Variants in MAST4 observed in about 807,000 individuals in gnomAD.
MAST4 encodes microtubule associated serine/threonine kinase family member 4, also known as microtubule-associated serine/threonine-protein kinase 4.
A neutral mutation model predicts 162.7 loss-of-function variants in MAST4; 89 were observed. The observed-to-expected ratio is 0.55, with a 90% CI of 0.46 to 0.65. MAST4 has a LOEUF of 0.65. MAST4 is among the 30% of genes least tolerant of loss of function. The pLI is 0.00. For missense variants in MAST4, 3,153 were observed against 3,374.0 expected (o/e 0.93, Z 1.62); for synonymous variants, 1,479 against 1,361.1 (o/e 1.09, Z -1.91).
intron 1 of MAST4, among the ~76,000 whole-genome samples, chr5:66,671,587 A>C (rs57331312): frequency 0.19 from 28,989 of 152,000 alleles, 3,113 homozygotes; most frequent in South Asian, 0.31. Flanking sequence ...TAGCCAGTCT[A>C]CAAAGTCTGC....
intron 2 of MAST4, among the ~76,000 whole-genome samples, chr5:66,777,253 G>C (rs771547148): frequency 9.2e-5 from 14 of 152,220 alleles, no homozygotes; most frequent in Non-Finnish European, 1.8e-4. Flanking sequence ...GAAAGAATTT[G>C]ATCTAATCCG....
intron 1 of MAST4, among the ~76,000 whole-genome samples, chr5:66,756,214 T>C (rs1753528585): frequency 6.6e-6 from 1 of 152,216 alleles, no homozygotes; most frequent in Admixed American, 6.5e-5. Context: ...TCTATGGCTC[T>C]TGTTGGAGGT....
intron 1 of MAST4, among the ~76,000 whole-genome samples, chr5:66,754,898 C>G (rs551269220): frequency 6.6e-6 from 1 of 152,140 alleles, no homozygotes; most frequent in Non-Finnish European, 1.5e-5. Flanking sequence ...TAGCTAATAT[C>G]TGGAATGTGT....
At chr5:66,762,259 T>A (rs895452830) in intron 2 of MAST4, among the ~76,000 whole-genome samples, 5 of 150,004 alleles carry the variant, frequency 3.3e-5, no homozygotes, top group Non-Finnish European at 7.4e-5. Context: ...TTAGAAGAGC[T>A]AAAAAAAAAA....
chr5:67,071,090 A>G (rs1760921859), intron 5 of MAST4, among the ~76,000 whole-genome samples: 1 of 152,212 alleles, frequency 6.6e-6, no homozygotes, highest in African/African-American at 2.4e-5. Context: ...AACAAAGTCA[A>G]TGATCAAAAA....
At chr5:66,626,205 A>G (rs1464529801) in intron 1 of MAST4, among the ~76,000 whole-genome samples, 1 of 152,148 alleles carries the variant, frequency 6.6e-6, no homozygotes, top group Non-Finnish European at 1.5e-5. Context: ...GTCGAAGATA[A>G]TATTTTATTA....
intron 1 of MAST4, among the ~76,000 whole-genome samples, chr5:66,664,860 A>G (rs2149465348): frequency 6.6e-6 from 1 of 152,316 alleles, no homozygotes; most frequent in South Asian, 2.1e-4. Flanking sequence ...TTACAACGAG[A>G]AAGTGAAATA....
At chr5:66,717,293 G>T (rs1361814938) in intron 1 of MAST4, among the ~76,000 whole-genome samples, 1 of 152,084 alleles carries the variant, frequency 6.6e-6, no homozygotes, top group African/African-American at 2.4e-5. Flanking sequence ...TTGAATTAGG[G>T]GTTAAGGAGG....
At chr5:67,084,072 C>T (rs1176541292) in intron 5 of MAST4, among the ~76,000 whole-genome samples, 1 of 152,158 alleles carries the variant, frequency 6.6e-6, no homozygotes, top group Admixed American at 6.5e-5. Context: ...AAATACAGTA[C>T]ACAAGTTCCA....
chr5:66,729,891 G>A (rs146192327), intron 1 of MAST4, among the ~76,000 whole-genome samples: 87 of 152,284 alleles, frequency 5.7e-4, no homozygotes, highest in African/African-American at 1.9e-3. Context: ...TGCAAGCCAC[G>A]GATGCCAAGA....
At chr5:66,780,493 A>C (rs995417217) in intron 2 of MAST4, among the ~76,000 whole-genome samples, 1 of 152,152 alleles carries the variant, frequency 6.6e-6, no homozygotes, top group Non-Finnish European at 1.5e-5. Context: ...TGACTTCAAG[A>C]ATGAAGCTGC....
In MAST4 at chr5:66,646,028, A is replaced by C. The variant is rs76300406; in HGVS notation, c.363+49010A>C. Reference sequence around the variant, plus strand: ...TTCTGATTTTACTCTAACAGGTTGAAATGTTCAGGAATTGAGATTGAGAGG... The same window carrying C: ...TTCTGATTTTACTCTAACAGGTTGACATGTTCAGGAATTGAGATTGAGAGG... On this transcript the variant is annotated intron_variant, in intron 1 of 28. Coordinates refer to ENST00000403625, the MANE Select transcript of MAST4 (RefSeq NM_001164664.2). Among the ~76,000 whole-genome samples, 726 of 152,288 alleles carry C rather than the reference A, an allele frequency of 4.8e-3. 6 individuals carry two copies. The highest frequency in any genetic ancestry group is 0.017 in the African/African-American group (705 of 41,570).
chr5:67,043,487 T>A (rs1456380941), intron 4 of MAST4, among the ~76,000 whole-genome samples: 2 of 152,218 alleles, frequency 1.3e-5, no homozygotes, highest in Non-Finnish European at 2.9e-5. Flanking sequence ...GAACATTAGA[T>A]TTAAGTTATT....
intron 1 of MAST4, among the ~76,000 whole-genome samples, chr5:66,711,830 G>GC (rs1434305150): frequency 6.6e-6 from 1 of 151,992 alleles, no homozygotes; most frequent in African/African-American, 2.4e-5. Context: ...GTGAGACTCT[G>GC]CCCCCCACCC....
chr5:66,703,000 C>G (rs1749878262), intron 1 of MAST4, among the ~76,000 whole-genome samples: 1 of 152,092 alleles, frequency 6.6e-6, no homozygotes, highest in East Asian at 1.9e-4. Context: ...CCAGATGGGA[C>G]CAGAACCTGG....
At chr5:66,767,081 A>G (rs914906307) in intron 2 of MAST4, among the ~76,000 whole-genome samples, 10 of 152,028 alleles carry the variant, frequency 6.6e-5, no homozygotes, top group African/African-American at 1.7e-4. Flanking sequence ...GACTTCTTAA[A>G]AGTCCCAGCC....
intron 3 of MAST4, among the ~76,000 whole-genome samples, chr5:66,894,294 T>C (rs1762543981): frequency 6.6e-6 from 1 of 152,196 alleles, no homozygotes; most frequent in South Asian, 2.1e-4. Context: ...GTTAGTATTT[T>C]TAAAAACTCC....
At chr5:66,966,899 A>G (rs1375050387) in intron 4 of MAST4, among the ~76,000 whole-genome samples, 3 of 152,156 alleles carry the variant, frequency 2.0e-5, no homozygotes, top group Non-Finnish European at 4.4e-5. Flanking sequence ...TTGGTGAGGG[A>G]GGAAAATGTT....
In MAST4 at chr5:66,716,603, CT is replaced by C. The variant is rs1237170778; in HGVS notation, c.364-43104del. 5.9e-5 allele frequency among the ~76,000 whole-genome samples: 9 copies of C among 152,054 alleles called. No homozygotes were observed. In the South Asian group the frequency reaches 1.5e-3, roughly 25 times the overall value. On this transcript the variant is annotated intron_variant, in intron 1 of 28. Transcript: ENST00000403625. ...CTTGAACTCCTGGCCTCAAGCAGTC[CT>C]TCCACCTTGGCCTCCCAAAGTGCTG... is the stretch of plus-strand genomic sequence containing the variant.
Sources: gnomAD v4.1 joint callset for allele counts (sites outside exome capture counted in the v4.1 genomes callset) on GRCh38, gnomAD v4.1.1 for gene constraint, MANE v1.5 for transcripts, NCBI Gene and HGNC (gene_info 2026-07-23, HGNC 2026-07-21) for gene names.